The following EPB41L1 variants were observed in gnomAD, a reference collection of about 807,000 sequenced individuals.
EPB41L1 encodes the protein erythrocyte membrane protein band 4.1 like 1.
In EPB41L1, 29 loss-of-function variants were observed where a neutral mutation model predicts 97.8. The ratio of observed to expected loss-of-function variants is 0.30; its 90% confidence interval spans 0.22 to 0.40. The LOEUF (loss-of-function observed/expected upper bound fraction) is 0.40, where lower values mean the gene tolerates loss of function less well. EPB41L1 is among the 10% of genes least tolerant of loss of function. The pLI, the probability that EPB41L1 is intolerant of heterozygous loss-of-function variation, is 1.00. For synonymous variants in EPB41L1, 383 were observed against 459.2 expected (o/e 0.83, Z 2.12); for missense variants, 812 against 1,162.3 (o/e 0.70, Z 4.38).
Position 36,224,100 on chromosome 20 carries a change from G to C in EPB41L1, c.2637+1706G>C, listed in dbSNP as rs140853819. Reference sequence around the variant, plus strand: ...GCTGCTAACCTCTGGTCTGGACTAGGGCTGTTCAGCAGAACTTTCTGCAGT... The same window carrying C: ...GCTGCTAACCTCTGGTCTGGACTAGCGCTGTTCAGCAGAACTTTCTGCAGT... On this transcript the variant is annotated intron_variant, in intron 21 of 21. Coordinates refer to ENST00000338074, the MANE Select transcript of EPB41L1 (RefSeq NM_012156.2). 2.0e-5 allele frequency among the ~76,000 whole-genome samples: 3 copies of C among 152,280 alleles called. No homozygotes were observed. The East Asian group carries it at 5.8e-4, about 29-fold the overall frequency.
intron 1 of EPB41L1, among the ~76,000 whole-genome samples, chr20:36,111,938 G>A (rs1314952521): frequency 6.6e-6 from 1 of 152,158 alleles, no homozygotes; most frequent in African/African-American, 2.4e-5. Flanking sequence ...TCTGGAGGTT[G>A]GGGCCCCTGC....
chr20:36,224,190 C>T (rs2063962816), intron 21 of EPB41L1, among the ~76,000 whole-genome samples: 1 of 152,064 alleles, frequency 6.6e-6, no homozygotes, highest in African/African-American at 2.4e-5. Flanking sequence ...CTATTGAGGA[C>T]TTGAAATTGG....
At position 36,169,267 on chromosome 20, in the gene EPB41L1, G is replaced by T. The variant is rs559044943; in HGVS notation, c.-14-4497G>T. Among the ~76,000 whole-genome samples, 4 of 151,372 alleles carry T rather than the reference G, an allele frequency of 2.6e-5. No individual in the cohort carries two copies. In the East Asian group the frequency reaches 5.9e-4, roughly 22 times the overall value. The stretch of plus-strand genomic sequence containing the variant: ...GGCAACTCCGGCTCAGAAAAGTGAA[G>T]TCACTTGTCCAAGGTCACAGAGTGA... On this transcript the variant is annotated intron_variant, in intron 1 of 21. Transcript: ENST00000338074.
chr20:36,214,079 G>T (rs1221881841), intron 16 of EPB41L1, among the ~76,000 whole-genome samples: 1 of 152,094 alleles, frequency 6.6e-6, no homozygotes, highest in Non-Finnish European at 1.5e-5. Flanking sequence ...TATCCAAAGA[G>T]TCAGTTCCTA....
chr20:36,227,117 C>G (rs2147199954), intron 21 of EPB41L1, among the ~76,000 whole-genome samples: 1 of 152,192 alleles, frequency 6.6e-6, no homozygotes, highest in Non-Finnish European at 1.5e-5. Context: ...GGGTTCAAGA[C>G]CAGCCTGGCC....
At chr20:36,144,622 C>T (rs1448021891) in intron 2 of EPB41L1, among the ~76,000 whole-genome samples, 1 of 152,164 alleles carries the variant, frequency 6.6e-6, no homozygotes, top group Admixed American at 6.5e-5. Flanking sequence ...AAGGAACTGA[C>T]CCTCGGGTCC....
intron 1 of EPB41L1, among the ~76,000 whole-genome samples, chr20:36,104,423 G>A (rs2147524878): frequency 6.6e-6 from 1 of 152,342 alleles, no homozygotes; most frequent in East Asian, 1.9e-4. Flanking sequence ...GGATGGAGCA[G>A]GAACTTCAAG....
intron 1 of EPB41L1, among the ~76,000 whole-genome samples, chr20:36,108,010 T>C (rs1012758947): frequency 6.6e-6 from 1 of 152,020 alleles, no homozygotes; most frequent in African/African-American, 2.4e-5. Context: ...TAGAGGCAGG[T>C]TCTCACTCTG....
chr20:36,114,457 C>T (rs2058521188), intron 2 of EPB41L1, among the ~76,000 whole-genome samples: 1 of 152,156 alleles, frequency 6.6e-6, no homozygotes, highest in East Asian at 1.9e-4. Flanking sequence ...GGTGGTGCCA[C>T]ATACACAAGA....
At chr20:36,137,822 C>A (rs982328425) in intron 2 of EPB41L1, among the ~76,000 whole-genome samples, 1 of 152,186 alleles carries the variant, frequency 6.6e-6, no homozygotes, top group Non-Finnish European at 1.5e-5. Context: ...CCATGCCCAG[C>A]CAAATTTTTT....
intron 2 of EPB41L1, among the ~76,000 whole-genome samples, chr20:36,146,648 C>T (rs1998146): frequency 0.99 from 150,723 of 152,286 alleles, 74,618 homozygotes; most frequent in East Asian, 1. Context: ...GAAGAGAGGA[C>T]TGAAAAGACA....
chr20:36,137,432 G>T lies in EPB41L1; in HGVS notation c.-10+24952G>T, dbSNP rs1347232057. Among the ~76,000 whole-genome samples, 3 of 152,048 alleles carry T rather than the reference G, an allele frequency of 2.0e-5. No homozygotes were observed. In the East Asian group the frequency reaches 5.8e-4, roughly 30 times the overall value. On this transcript the variant is annotated intron_variant, in intron 2 of 19. Transcript: ENST00000202028. ...GATTGGGTCTCACTATGTTGCCCAG[G>T]CTGGTCTCAAACTCCTGGGTTCAAG...
In EPB41L1 at chr20:36,093,414, T is replaced by C. The variant is rs1264707500; in HGVS notation, c.-65+1802T>C. Among the ~76,000 whole-genome samples, 3 of 151,060 alleles carry C rather than the reference T, an allele frequency of 2.0e-5. No individual in the cohort carries two copies. The highest frequency in any genetic ancestry group is 4.9e-5 in the African/African-American group (2 of 41,032). On this transcript the variant is annotated intron_variant, in intron 1 of 19. Transcript: ENST00000202028. This position sits in a 1 kb window ranked among gnomAD's most constrained non-coding sequence, Gnocchi z 5.4. ...CGGGTGTGCTCCCGCGTAGCCCCCG[T>C]GTGCGTGTGCGCGGCTTTGTCTTCG...
At chr20:36,168,022 T>A (rs2060813363) in intron 1 of EPB41L1, among the ~76,000 whole-genome samples, 1 of 152,170 alleles carries the variant, frequency 6.6e-6, no homozygotes, top group Non-Finnish European at 1.5e-5. Flanking sequence ...TGATTCATTT[T>A]TTAAGGAGTG....
intron 5 of EPB41L1, among the ~76,000 whole-genome samples, chr20:36,180,301 G>A (rs1220844561): frequency 6.6e-6 from 1 of 152,156 alleles, no homozygotes; most frequent in African/African-American, 2.4e-5. Flanking sequence ...TGGTCCCATT[G>A]GTCCTTGTGG....
chr20:36,205,887 T>C (rs1238812408), intron 14 of EPB41L1: 1 of 1,289,836 alleles, frequency 7.8e-7, no homozygotes, highest in Admixed American at 2.3e-5. Context: ...GAGAGTACAC[T>C]AGGCCAGAAG....
Position 36,092,822 on chromosome 20 carries a change from C to T in EPB41L1, c.-65+1210C>T, listed in dbSNP as rs1266338174. 6.5e-6 allele frequency: 1 copy of T among 152,680 alleles called. No homozygotes were observed. The allele number at this position is 152,680 out of a possible 1,614,324, so 9.5% of individuals were successfully genotyped here. ...CGCGCCGCCGCCGCCAGGTTAGCCG[C>T]ACCCGCCGTCCCCCTCCGCGTCCCG... On this transcript the variant is annotated intron_variant, in intron 1 of 19. Coordinates refer to the EPB41L1 transcript ENST00000202028. The surrounding 1 kb of genome is among the most constrained non-coding windows in gnomAD (Gnocchi z 7.0).
chr20:36,227,828 C>T (rs183717224), intron 21 of EPB41L1, among the ~76,000 whole-genome samples: 1 of 152,336 alleles, frequency 6.6e-6, no homozygotes, highest in African/African-American at 2.4e-5. Flanking sequence ...TTTCCCTTCT[C>T]TCCCTGCAAC....
At chr20:36,182,778 G>T (rs1254107680) in intron 6 of EPB41L1, among the ~76,000 whole-genome samples, 1 of 152,226 alleles carries the variant, frequency 6.6e-6, no homozygotes, top group Non-Finnish European at 1.5e-5. Context: ...GCCATCTCTG[G>T]GTGGGACATA....
Sources: allele counts gnomAD v4.1 joint callset (sites outside exome capture counted in the v4.1 genomes callset), GRCh38; gene constraint gnomAD v4.1.1; non-coding constraint Gnocchi (gnomAD v3.1); transcripts MANE v1.5; gene names NCBI Gene and HGNC (gene_info 2026-07-23, HGNC 2026-07-21).